B3GALT1: variants seen among roughly 807,000 people sequenced by gnomAD.
The protein encoded by B3GALT1 is beta-1,3-galactosyltransferase 1.
Under a neutral mutation model 23.2 loss-of-function variants are expected in B3GALT1, and 10 were observed. The observed-to-expected ratio is 0.43, with a 90% CI of 0.27 to 0.73. The LOEUF (loss-of-function observed/expected upper bound fraction) is 0.73. Ranked by LOEUF, B3GALT1 falls within the 30% of genes least tolerant of loss-of-function variation. The pLI is 0.21. For synonymous variants in B3GALT1, 156 were observed against 141.5 expected, an observed-to-expected ratio of 1.10 and a Z score of -0.73; for missense variants, 299 against 405.4, an observed-to-expected ratio of 0.74 and a Z score of 2.25.
chr2:167,309,983 TAAGG>T (rs1392490092), intron 1 of B3GALT1, among the ~76,000 whole-genome samples: 7 of 151,960 alleles, frequency 4.6e-5, no homozygotes, highest in Non-Finnish European at 8.8e-5. Context: ...ACAAAAGAAA[TAAGG>T]AAGAATATAT....
At chr2:167,460,300 A>AT in intron 1 of B3GALT1, among the ~76,000 whole-genome samples, 1 of 151,618 alleles carries the variant, frequency 6.6e-6, no homozygotes, top group Non-Finnish European at 1.5e-5. Context: ...TTCTTCAGTC[A>AT]TTTTTCTATC....
chr2:167,704,577 C>A (rs1476892717), intron 3 of B3GALT1, among the ~76,000 whole-genome samples: 1 of 151,876 alleles, frequency 6.6e-6, no homozygotes, highest in Non-Finnish European at 1.5e-5. Context: ...TATTAAAGAT[C>A]TGGCCTCTAA....
chr2:167,536,697 G>A (rs72872865), intron 2 of B3GALT1, among the ~76,000 whole-genome samples: 9,433 of 152,066 alleles, frequency 0.062, 447 homozygotes, highest in Admixed American at 0.11. Context: ...TCCCTCTTAC[G>A]CAGGATATGT....
At chr2:167,554,156 T>C (rs576681298) in intron 2 of B3GALT1, among the ~76,000 whole-genome samples, 2 of 152,328 alleles carry the variant, frequency 1.3e-5, no homozygotes, top group South Asian at 4.1e-4. Flanking sequence ...TTCCCTAAAC[T>C]TCAGTTTTCT....
chr2:167,721,941 A>G (rs529054424), intron 3 of B3GALT1, among the ~76,000 whole-genome samples: 13 of 152,336 alleles, frequency 8.5e-5, no homozygotes, highest in African/African-American at 3.1e-4. Flanking sequence ...GGAGGGTTCA[A>G]TTATTTGTCT....
intron 1 of B3GALT1, among the ~76,000 whole-genome samples, chr2:167,402,805 TC>T (rs1364422352): frequency 6.6e-6 from 1 of 152,148 alleles, no homozygotes. Flanking sequence ...TTTCTGAAGT[TC>T]CTGAGTTAGT....
At chr2:167,666,415 A>G (rs2105478189) in intron 3 of B3GALT1, among the ~76,000 whole-genome samples, 1 of 152,228 alleles carries the variant, frequency 6.6e-6, no homozygotes, top group South Asian at 2.1e-4. Context: ...GCTGAAAAAA[A>G]TGTATATTCT....
chr2:167,594,340 C>A (rs1472274407), intron 2 of B3GALT1, among the ~76,000 whole-genome samples: 1 of 152,062 alleles, frequency 6.6e-6, no homozygotes, highest in Non-Finnish European at 1.5e-5. Context: ...CTATAAATTT[C>A]TTTTAATGTC....
Position 167,428,155 on chromosome 2 carries a change from A to G in B3GALT1, c.-510-62022A>G, listed in dbSNP as rs1468408925. On this transcript the variant is annotated intron_variant, in intron 1 of 4. Coordinates refer to ENST00000392690, the MANE Select transcript of B3GALT1 (RefSeq NM_020981.4). The stretch of plus-strand genomic sequence containing the variant: ...AAAAAGAAAATCAATTAATGGTTAG[A>G]GACATGAGAAAATAAGGATAGGCAA... 7.9e-5 allele frequency among the ~76,000 whole-genome samples: 12 copies of G among 152,370 alleles called. No individual in the cohort carries two copies. In the East Asian group the frequency reaches 2.3e-3, roughly 29 times the overall value.
At chr2:167,397,996 T>C (rs1276420918) in intron 1 of B3GALT1, among the ~76,000 whole-genome samples, 3 of 152,144 alleles carry the variant, frequency 2.0e-5, no homozygotes, top group Non-Finnish European at 4.4e-5. Context: ...TAATATGACA[T>C]TGCTTGCACC....
intron 3 of B3GALT1, among the ~76,000 whole-genome samples, chr2:167,730,548 T>A (rs1448842): frequency 3.3e-5 from 5 of 151,964 alleles, no homozygotes; most frequent in Non-Finnish European, 7.4e-5. Context: ...GATATTAATT[T>A]GTTTGTCAAA....
intron 3 of B3GALT1, among the ~76,000 whole-genome samples, chr2:167,756,517 C>G (rs963881891): frequency 1.3e-5 from 2 of 152,198 alleles, no homozygotes; most frequent in Non-Finnish European, 2.9e-5. Context: ...CAATACTGTT[C>G]TATTATGATA....
At chr2:167,317,062 C>T (rs1477838620) in intron 1 of B3GALT1, among the ~76,000 whole-genome samples, 1 of 152,076 alleles carries the variant, frequency 6.6e-6, no homozygotes, top group African/African-American at 2.4e-5. Context: ...AAGGATTGAG[C>T]GGGGTGGATA....
chr2:167,674,601 C>T (rs1380654425), intron 3 of B3GALT1, among the ~76,000 whole-genome samples: 10 of 152,118 alleles, frequency 6.6e-5, no homozygotes, highest in African/African-American at 2.4e-4. Context: ...GTTGTATAGA[C>T]CCAGGTATCT....
chr2:167,611,078 C>A (rs1037109440), intron 2 of B3GALT1, among the ~76,000 whole-genome samples: 3 of 151,594 alleles, frequency 2.0e-5, no homozygotes, highest in African/African-American at 7.3e-5. Flanking sequence ...ATCTCTACAC[C>A]AAACCCCCAT....
At chr2:167,560,479 C>A (rs1683957172) in intron 2 of B3GALT1, among the ~76,000 whole-genome samples, 1 of 151,954 alleles carries the variant, frequency 6.6e-6, no homozygotes, top group South Asian at 2.1e-4. Flanking sequence ...TGTAAATGGA[C>A]TAAATGCTCC....
intron 2 of B3GALT1, among the ~76,000 whole-genome samples, chr2:167,521,982 G>A (rs12992763): frequency 0.34 from 44,490 of 132,146 alleles, 8,302 homozygotes; most frequent in East Asian, 0.77. Context: ...GTGTGTGTGT[G>A]TGTATATATA....
In B3GALT1 at chr2:167,365,138, G is replaced by C. The variant is rs188868874; in HGVS notation, c.-511+71804G>C. Among the ~76,000 whole-genome samples, 825 of 152,256 alleles carry C rather than the reference G, an allele frequency of 5.4e-3. 10 individuals carry two copies. The highest frequency in any genetic ancestry group is 0.019 in the African/African-American group (795 of 41,556). On this transcript the variant is annotated intron_variant, in intron 1 of 4. Coordinates refer to ENST00000392690, the MANE Select transcript of B3GALT1 (RefSeq NM_020981.4). Reference sequence around the variant, plus strand: ...CAGTTTGGGAATTTTTTGACTACACGTAGTTTCCTGGGTTTCTCAGAATGA... The same window carrying C: ...CAGTTTGGGAATTTTTTGACTACACCTAGTTTCCTGGGTTTCTCAGAATGA...
intron 2 of B3GALT1, among the ~76,000 whole-genome samples, chr2:167,549,066 C>G (rs1446357060): frequency 6.6e-6 from 1 of 152,134 alleles, no homozygotes; most frequent in Non-Finnish European, 1.5e-5. Flanking sequence ...AAACCAAAGT[C>G]CAATCACTTT....
Sources: allele counts gnomAD v4.1 joint callset (sites outside exome capture counted in the v4.1 genomes callset), GRCh38; gene constraint gnomAD v4.1.1; transcripts MANE v1.5; gene names NCBI Gene and HGNC (gene_info 2026-07-23, HGNC 2026-07-21).